The following RWDD1 variants were observed in gnomAD, a reference collection of about 807,000 sequenced individuals.
The protein encoded by RWDD1 is RWD domain-containing protein 1.
RWDD1 carries 17 observed loss-of-function variants against 31.6 expected under a neutral mutation model. The observed-to-expected ratio is 0.54, with a 90% confidence interval of 0.37 to 0.81. The LOEUF is 0.81. Ranked by LOEUF, RWDD1 falls within the 30% of genes least tolerant of loss-of-function variation. The pLI is 0.00. For missense variants in RWDD1, 204 were observed against 274.5 expected, an observed-to-expected ratio of 0.74 and a Z score of 1.82; for synonymous variants, 78 against 94.2, an observed-to-expected ratio of 0.83 and a Z score of 0.99.
intron 1 of RWDD1, among the ~76,000 whole-genome samples, chr6:116,573,186 G>T (rs776860635): frequency 1.3e-5 from 2 of 152,192 alleles, no homozygotes; most frequent in Non-Finnish European, 2.9e-5. Flanking sequence ...TTGGACATAA[G>T]CTATCCCTCG....
At chr6:116,571,687 C>G (rs773056165) in intron 1 of RWDD1, 32 bp downstream of exon 1, 12 of 1,596,782 alleles carry the variant, frequency 7.5e-6, no homozygotes, top group Non-Finnish European at 9.4e-6. Context: ...CTGTAGCCGC[C>G]CCGAGGTGGA....
At chr6:116,575,071 A>G (rs947778628) in intron 1 of RWDD1, among the ~76,000 whole-genome samples, 7 of 151,758 alleles carry the variant, frequency 4.6e-5, no homozygotes, top group Non-Finnish European at 1.0e-4. Flanking sequence ...CACCTGGCCC[A>G]GCTTTACTCT....
intron 1 of RWDD1, among the ~76,000 whole-genome samples, chr6:116,573,586 G>A (rs985118140): frequency 9.9e-5 from 15 of 152,114 alleles, no homozygotes; most frequent in African/African-American, 3.6e-4. Flanking sequence ...GAAATAAAAT[G>A]TTTCCATGTT....
chr6:116,590,196 T>C (rs954453805), intron 4 of RWDD1, 76 bp from the exon 5 acceptor site: 4 of 736,596 alleles, frequency 5.4e-6, no homozygotes, highest in East Asian at 2.7e-5. Flanking sequence ...TATATTGATA[T>C]GTTTAAAAGA....
chr6:116,583,072 G>A (rs1409534837), intron 2 of RWDD1, among the ~76,000 whole-genome samples: 1 of 151,392 alleles, frequency 6.6e-6, no homozygotes, highest in Middle Eastern at 3.2e-3. Flanking sequence ...CCAACTCCTG[G>A]GCTCAAGCAG....
chr6:116,590,418 G>A lies in RWDD1; in HGVS notation c.547+14G>A. On this transcript the variant is annotated intron_variant, in intron 5 of 6. Transcript: ENST00000466444. ...ATAAATTAAGTGGTATGATTCCCCT[G>A]CCATTCCTGTTCTTCCTAAACCCTC... The A allele has an allele frequency of 6.4e-7, 1 of 1,574,554 alleles. No homozygotes were observed.
chr6:116,590,838 G>T (rs768895977), intron 5 of RWDD1, 50 bp from the exon 6 acceptor site: 69 of 1,530,784 alleles, frequency 4.5e-5, no homozygotes, highest in Non-Finnish European at 5.7e-5. Flanking sequence ...TAGTGAAAAT[G>T]GAGAAAAACT....
chr6:116,575,408 T>TA (rs1207237310), intron 1 of RWDD1, among the ~76,000 whole-genome samples: 1 of 152,124 alleles, frequency 6.6e-6, no homozygotes, highest in Non-Finnish European at 1.5e-5. Context: ...TTGAATTACT[T>TA]ACAGTGGTGG....
chr6:116,590,465 A>T lies in RWDD1; in HGVS notation c.547+61A>T, dbSNP rs577990757. The T allele has an allele frequency of 4.7e-5, 70 of 1,490,342 alleles. No homozygotes were observed. The African/African-American group carries it at 9.5e-4, about 20-fold the overall frequency. The allele number at this position is 1,490,342 out of a possible 1,614,324, so 92.3% of individuals were successfully genotyped here. A position where few individuals can be genotyped will look rare whatever the true frequency, so the allele number is the denominator to read the frequency against. On this transcript the variant is annotated intron_variant, in intron 5 of 6. Transcript: ENST00000466444. ...CCTCCTGTATCATTTTTTATATAGC[A>T]AGAGGATCATTTGGTCAGATTTCTG...
At chr6:116,581,146 G>T (rs1017800785) in intron 2 of RWDD1, among the ~76,000 whole-genome samples, 2 of 152,000 alleles carry the variant, frequency 1.3e-5, no homozygotes, top group African/African-American at 4.8e-5. Context: ...AAAGGATATT[G>T]AATACATTTA....
intron 3 of RWDD1, 145 bp downstream of exon 3, chr6:116,585,002 A>G (rs1380750195): frequency 1.4e-6 from 1 of 694,220 alleles, no homozygotes; most frequent in Non-Finnish European, 2.3e-6. Context: ...GAGCATCTTT[A>G]TTTTTGTTTC....
At position 116,571,563 on chromosome 6, in the gene RWDD1, G is replaced by T; in HGVS notation, c.-20G>T. 1 of 1,611,580 alleles carries T rather than the reference G, an allele frequency of 6.2e-7. No individual in the cohort carries two copies. The highest frequency in any genetic ancestry group is 1.1e-5 in the South Asian group (1 of 90,878). ...CCGCCTAGGTGTCTGGGCGATCTAT[G>T]GGCAAGAGCAAGGGCCACGATGACA... On this transcript the variant is annotated 5_prime_UTR_variant, in exon 1 of 7. It removes an upstream start codon present in the reference 5' UTR. Coordinates refer to ENST00000466444, the MANE Select transcript of RWDD1 (RefSeq NM_015952.4).
chr6:116,588,502 A>G (rs902940603), intron 3 of RWDD1, among the ~76,000 whole-genome samples: 2 of 152,108 alleles, frequency 1.3e-5, no homozygotes, highest in Admixed American at 1.3e-4. Context: ...TCTGGCCTCA[A>G]TGCAGTTCAT....
At chr6:116,584,332 ATCT>A (rs1775001792) in intron 2 of RWDD1, among the ~76,000 whole-genome samples, 1 of 152,236 alleles carries the variant, frequency 6.6e-6, no homozygotes, top group Admixed American at 6.5e-5. Flanking sequence ...CTATAGCCAG[ATCT>A]TCTGCAGGTA....
At chr6:116,576,738 A>G (rs531817533) in intron 1 of RWDD1, among the ~76,000 whole-genome samples, 1 of 152,334 alleles carries the variant, frequency 6.6e-6, no homozygotes, top group South Asian at 2.1e-4. Flanking sequence ...AGTAATGACA[A>G]GTTAACAAGT....
chr6:116,581,524 A>G (rs1037650824), intron 2 of RWDD1, among the ~76,000 whole-genome samples: 9 of 152,180 alleles, frequency 5.9e-5, no homozygotes, highest in African/African-American at 1.7e-4. Context: ...TACTTTCAAA[A>G]TTATTTCTTT....
At position 116,592,790 on chromosome 6, in the gene RWDD1, G is replaced by A. The variant is rs554862984; in HGVS notation, c.611-190G>A. ...GACTATGAACTAGGAACATGAAGTT[G>A]CTCTTAAAATTTCAGAGTCTCTACT... On this transcript the variant is annotated intron_variant, in intron 6 of 6. Coordinates refer to ENST00000466444, the MANE Select transcript of RWDD1 (RefSeq NM_015952.4). Among the ~76,000 whole-genome samples the A allele has an allele frequency of 3.3e-3, 502 of 152,172 alleles. 5 individuals are homozygous for A. Among genetic ancestry groups the A allele is most frequent in the African/African-American group, 0.011 (476 of 41,522 alleles).
At chr6:116,589,425 C>T (rs1449848413) in intron 4 of RWDD1, among the ~76,000 whole-genome samples, 1 of 152,078 alleles carries the variant, frequency 6.6e-6, no homozygotes. Context: ...CAAAGCTGTC[C>T]TGGGCTGCAT....
At chr6:116,576,556 C>A (rs1774845204) in intron 1 of RWDD1, among the ~76,000 whole-genome samples, 1 of 152,228 alleles carries the variant, frequency 6.6e-6, no homozygotes, top group Non-Finnish European at 1.5e-5. Flanking sequence ...TTCTATCTGG[C>A]TCCCCAGGTC....
Sources: allele counts gnomAD v4.1 joint callset (sites outside exome capture counted in the v4.1 genomes callset), GRCh38; gene constraint gnomAD v4.1.1; transcripts MANE v1.5; gene names NCBI Gene and HGNC (gene_info 2026-07-23, HGNC 2026-07-21).